LDB2: variants seen among roughly 807,000 people sequenced by gnomAD.
LDB2 encodes LIM domain binding 2, also known as LIM domain-binding protein 2.
LDB2 carries 12 observed loss-of-function variants against 44.3 expected under a neutral mutation model. That is an observed-to-expected ratio of 0.27 (90% CI 0.17 to 0.44). The LOEUF (loss-of-function observed/expected upper bound fraction) is 0.44. LDB2 is among the 20% of genes least tolerant of loss of function. LDB2 has a pLI of 1.00. For synonymous variants in LDB2, 164 were observed against 174.8 expected, an observed-to-expected ratio of 0.94 and a Z score of 0.49; for missense variants, 344 against 473.5, an observed-to-expected ratio of 0.73 and a Z score of 2.54.
chr4:16,821,746 C>CAAAAACAAAAAAAAA (rs1782081220), intron 1 of LDB2, among the ~76,000 whole-genome samples: 1 of 61,752 alleles, frequency 1.6e-5, no homozygotes, highest in Non-Finnish European at 2.9e-5. Context: ...AACATTAAAG[C>CAAAAACAAAAAAAAA]AAAAAAAAAA....
chr4:16,789,849 T>C (rs1775312447), intron 1 of LDB2, among the ~76,000 whole-genome samples: 2 of 152,146 alleles, frequency 1.3e-5, no homozygotes, highest in Admixed American at 1.3e-4. Context: ...GGAGAATCAC[T>C]TGAACCTGGG....
chr4:16,811,553 G>T (rs533550127), intron 1 of LDB2, among the ~76,000 whole-genome samples: 2 of 152,270 alleles, frequency 1.3e-5, no homozygotes, highest in East Asian at 1.9e-4. Context: ...TTTCTACAAT[G>T]ATCATTTAAT....
At chr4:16,847,429 T>C (rs983372066) in intron 1 of LDB2, among the ~76,000 whole-genome samples, 15 of 152,190 alleles carry the variant, frequency 9.9e-5, no homozygotes, top group Non-Finnish European at 2.1e-4. Flanking sequence ...TGACACCTCC[T>C]CCTTAAGGAT....
intron 2 of LDB2, among the ~76,000 whole-genome samples, chr4:16,704,733 G>A (rs16893845): frequency 6.6e-6 from 1 of 152,172 alleles, no homozygotes; most frequent in East Asian, 1.9e-4. Context: ...TGCATGCTAT[G>A]TGTGTTCTCT....
chr4:16,720,263 G>T (rs1757976381), intron 2 of LDB2, among the ~76,000 whole-genome samples: 1 of 151,892 alleles, frequency 6.6e-6, no homozygotes, highest in African/African-American at 2.4e-5. Flanking sequence ...AGGTGGAGGG[G>T]TGGTGGGGGC....
rs182528857 is a variant in LDB2, at chr4:16,695,306, G to A, written c.235+63852C>T. ...AATCCCAGCACTTTGGGCGGTGGGC[G>A]GATCACCTGAGGTCAGGAGTTCGAG... On this transcript the variant is annotated intron_variant, in intron 2 of 7. Coordinates refer to ENST00000304523, the MANE Select transcript of LDB2 (RefSeq NM_001290.5). 1.2e-4 allele frequency among the ~76,000 whole-genome samples: 18 copies of A among 152,124 alleles called. No individual in the cohort carries two copies. In the East Asian group the frequency reaches 2.9e-3, roughly 25 times the overall value.
At chr4:16,548,223 A>G (rs1286053396) in intron 5 of LDB2, among the ~76,000 whole-genome samples, 3 of 152,080 alleles carry the variant, frequency 2.0e-5, no homozygotes, top group Non-Finnish European at 2.9e-5. Context: ...TCTGAAGAGT[A>G]TCTCTGTGCC....
intron 5 of LDB2, among the ~76,000 whole-genome samples, chr4:16,546,626 C>T (rs997373687): frequency 3.3e-5 from 5 of 152,150 alleles, no homozygotes; most frequent in Non-Finnish European, 7.3e-5. Context: ...TCTTCAGCTC[C>T]TTGCCACCCC....
chr4:16,575,842 A>G (rs779478274), intron 5 of LDB2, among the ~76,000 whole-genome samples: 2 of 152,216 alleles, frequency 1.3e-5, no homozygotes, highest in African/African-American at 4.8e-5. Context: ...GGTTCAAGCA[A>G]TTCTCTGCCT....
intron 2 of LDB2, among the ~76,000 whole-genome samples, chr4:16,742,965 G>A (rs1337184993): frequency 2.0e-5 from 3 of 152,134 alleles, no homozygotes; most frequent in Non-Finnish European, 4.4e-5. Flanking sequence ...TCTGTTTTCT[G>A]GCTTCACAGG....
intron 7 of LDB2, chr4:16,506,035 G>A: frequency 1.3e-6 from 2 of 1,532,700 alleles, no homozygotes; most frequent in Non-Finnish European, 1.8e-6. Flanking sequence ...GCCCTCGCCA[G>A]ACACACACAT....
Position 16,837,856 on chromosome 4 carries a change from G to A in LDB2, c.132+60498C>T, listed in dbSNP as rs146303202. Among the ~76,000 whole-genome samples, 34 of 152,350 alleles carry A rather than the reference G, an allele frequency of 2.2e-4. No homozygotes were observed. The East Asian group carries it at 6.4e-3, about 28-fold the overall frequency. ...TTGGTATGATATGTTAGGCAGGAAA[G>A]TATCATTTAGGTTTGAACTTTACAG... On this transcript the variant is annotated intron_variant, in intron 1 of 7. Coordinates refer to ENST00000304523, the MANE Select transcript of LDB2 (RefSeq NM_001290.5).
At chr4:16,503,140 A>AT (rs1344743610) in intron 7 of LDB2, 1 of 1,535,830 alleles carries the variant, frequency 6.5e-7, no homozygotes, top group Admixed American at 2.0e-5. Flanking sequence ...ATCTGCAGAA[A>AT]TAAAAAAATG....
At chr4:16,716,515 T>C (rs1402506467) in intron 2 of LDB2, among the ~76,000 whole-genome samples, 2 of 152,210 alleles carry the variant, frequency 1.3e-5, no homozygotes, top group East Asian at 3.8e-4. Flanking sequence ...AATGCTTTAG[T>C]ATATGAGGCC....
intron 1 of LDB2, among the ~76,000 whole-genome samples, chr4:16,792,056 C>T (rs999255853): frequency 1.3e-5 from 2 of 152,136 alleles, no homozygotes; most frequent in African/African-American, 4.8e-5. Context: ...CTTGATTTTG[C>T]AGTGTTTTAT....
chr4:16,597,029 AG>A (rs1182481456), intron 2 of LDB2, among the ~76,000 whole-genome samples: 1 of 152,238 alleles, frequency 6.6e-6, no homozygotes, highest in Non-Finnish European at 1.5e-5. Context: ...AAACTACCAA[AG>A]AAAGCTTTAG....
At position 16,525,150 on chromosome 4, in the gene LDB2, G is replaced by A. The variant is rs74607626; in HGVS notation, c.616-13046C>T. On this transcript the variant is annotated intron_variant, in intron 5 of 7. Coordinates refer to ENST00000304523, the MANE Select transcript of LDB2 (RefSeq NM_001290.5). ...GCCTCCTGCCCTGGGATAAGTACCCGCAAGACTGTTAAAGACAGCTGTGTG... is the reference window on the plus strand; with the variant it reads ...GCCTCCTGCCCTGGGATAAGTACCCACAAGACTGTTAAAGACAGCTGTGTG... 8.0e-3 allele frequency among the ~76,000 whole-genome samples: 1,214 copies of A among 152,250 alleles called. 14 individuals are homozygous for A. Among genetic ancestry groups the A allele is most frequent in the African/African-American group, 0.027 (1,112 of 41,552 alleles).
intron 2 of LDB2, among the ~76,000 whole-genome samples, chr4:16,744,789 T>C (rs1764057994): frequency 6.6e-6 from 1 of 152,230 alleles, no homozygotes; most frequent in South Asian, 2.1e-4. Flanking sequence ...TCACGTGTTT[T>C]ATGAAGAATT....
intron 2 of LDB2, among the ~76,000 whole-genome samples, chr4:16,725,706 C>T (rs1029600982): frequency 1.3e-5 from 2 of 151,988 alleles, no homozygotes; most frequent in Non-Finnish European, 2.9e-5. Flanking sequence ...CAGGGACACA[C>T]CTGAAGCCTT....
Sources: gnomAD v4.1 joint callset for allele counts (sites outside exome capture counted in the v4.1 genomes callset) on GRCh38, gnomAD v4.1.1 for gene constraint, MANE v1.5 for transcripts, NCBI Gene and HGNC (gene_info 2026-07-23, HGNC 2026-07-21) for gene names.